HS3ST2: variants seen among roughly 807,000 people sequenced by gnomAD.
The protein encoded by HS3ST2 is heparan sulfate-glucosamine 3-sulfotransferase 2.
Under a neutral mutation model 26.3 loss-of-function variants are expected in HS3ST2, and 17 were observed. That is an observed-to-expected ratio of 0.65 (90% confidence interval 0.44 to 0.97). The LOEUF is 0.97. HS3ST2 is among the 50% of genes least tolerant of loss of function. The pLI is 0.00. For synonymous variants in HS3ST2, 237 were observed against 219.2 expected, an observed-to-expected ratio of 1.08 and a Z score of -0.72; for missense variants, 402 against 501.2, an observed-to-expected ratio of 0.80 and a Z score of 1.89.
intron 1 of HS3ST2, among the ~76,000 whole-genome samples, chr16:22,878,228 A>C (rs541996267): frequency 9.8e-5 from 15 of 152,348 alleles, no homozygotes; most frequent in African/African-American, 3.6e-4. Context: ...TCTTCATATC[A>C]GCTACCTGAG....
rs1902473368 is a variant in HS3ST2, at chr16:22,914,944, G to A, written c.486G>A (p.Arg162=). The part of the protein sequence containing the change: ...RNYGRGLDWY[R]SLMPRTLESQ... ...TGATGTATTCCTTCTGCCCACACAGGAGCCTGATGCCCAGGACCCTCGAGA... is the reference window on the plus strand; with the variant it reads ...TGATGTATTCCTTCTGCCCACACAGAAGCCTGATGCCCAGGACCCTCGAGA... Residue 162 remains arginine (R), a splice_region_variant and synonymous_variant, in exon 2 of 2, where the codon AGG becomes AGA. Transcript: ENST00000261374. 4 of 1,609,024 alleles carry A rather than the reference G, an allele frequency of 2.5e-6. No homozygotes were observed. The South Asian group carries it at 3.3e-5, about 13-fold the overall frequency.
chr16:22,888,618 C>T (rs1902094647), intron 1 of HS3ST2, among the ~76,000 whole-genome samples: 1 of 152,068 alleles, frequency 6.6e-6, no homozygotes. Context: ...ATCTCCTGAC[C>T]TTGTGATCCG....
chr16:22,864,708 T>C (rs186637513), intron 1 of HS3ST2, among the ~76,000 whole-genome samples: 1 of 152,054 alleles, frequency 6.6e-6, no homozygotes, highest in Non-Finnish European at 1.5e-5. Flanking sequence ...GACACTGTAA[T>C]TAACAAATAC....
intron 1 of HS3ST2, among the ~76,000 whole-genome samples, chr16:22,833,898 T>C (rs746359681): frequency 6.6e-6 from 1 of 151,432 alleles, no homozygotes; most frequent in Non-Finnish European, 1.5e-5. Flanking sequence ...TATACTCCTA[T>C]GGGAAGTTCT....
chr16:22,827,956 C>T (rs930679673), intron 1 of HS3ST2, among the ~76,000 whole-genome samples: 1 of 152,004 alleles, frequency 6.6e-6, no homozygotes, highest in African/African-American at 2.4e-5. Flanking sequence ...ATCCTCCTGC[C>T]TTGGCTTCCC....
At position 22,863,318 on chromosome 16, in the gene HS3ST2, C is replaced by T. The variant is rs1471212836; in HGVS notation, c.485+48223C>T. ...TCCCCCAGTCACTGCTGTTATTCCA[C>T]ACATGTGGGTGTCCTCTGATTCAAT... On this transcript the variant is annotated intron_variant, in intron 1 of 1. Transcript: ENST00000261374. Among the ~76,000 whole-genome samples the T allele has an allele frequency of 2.0e-5, 3 of 152,266 alleles. 1 individual carries two copies. In the East Asian group the frequency reaches 5.8e-4, roughly 29 times the overall value.
intron 1 of HS3ST2, among the ~76,000 whole-genome samples, chr16:22,819,773 C>CT (rs1478319915): frequency 1.3e-5 from 2 of 152,186 alleles, no homozygotes; most frequent in African/African-American, 4.8e-5. Context: ...AGGCAACAGT[C>CT]TAAGTACGAA....
chr16:22,862,234 T>C (rs1346412849), intron 1 of HS3ST2, among the ~76,000 whole-genome samples: 1 of 151,566 alleles, frequency 6.6e-6, no homozygotes, highest in African/African-American at 2.4e-5. Context: ...ACTGTGTGTG[T>C]GTGGGTGTGT....
intron 1 of HS3ST2, among the ~76,000 whole-genome samples, chr16:22,872,977 CAT>C (rs1330628770): frequency 6.6e-6 from 1 of 152,194 alleles, no homozygotes; most frequent in Non-Finnish European, 1.5e-5. Flanking sequence ...TCTCACCAGA[CAT>C]GTGACCATGA....
At chr16:22,903,458 C>A (rs2141205242) in intron 1 of HS3ST2, among the ~76,000 whole-genome samples, 1 of 152,278 alleles carries the variant, frequency 6.6e-6, no homozygotes. Context: ...TAGCAAGTGA[C>A]AAGACTCAGG....
At chr16:22,821,397 C>T (rs1366322955) in intron 1 of HS3ST2, among the ~76,000 whole-genome samples, 1 of 151,156 alleles carries the variant, frequency 6.6e-6, no homozygotes, top group Non-Finnish European at 1.5e-5. Context: ...TTTGGTTAGA[C>T]CTCTATGAAT....
chr16:22,878,079 G>A (rs1377584877), intron 1 of HS3ST2, among the ~76,000 whole-genome samples: 1 of 152,202 alleles, frequency 6.6e-6, no homozygotes, highest in African/African-American at 2.4e-5. Context: ...AGTCCAGGCT[G>A]TGCAAAGGAG....
At position 22,815,094 on chromosome 16, in the gene HS3ST2, A is replaced by T; in HGVS notation, c.484A>T (p.Arg162Trp). ...CTACGGCCGCGGGCTGGATTGGTAC[A>T]GGTAAGGACCAGGAGCTCCGCTCCG... is the stretch of plus-strand genomic sequence containing the variant. Reference protein sequence around the residue: ...RNYGRGLDWYRSLMPRTLESQ... With the variant: ...RNYGRGLDWYWSLMPRTLESQ... The change falls in exon 1 of 2, where the codon AGG (arginine) becomes TGG (tryptophan). Residue 162 changes from arginine to tryptophan, a missense_variant and splice_region_variant. Transcript: ENST00000261374. The T allele has an allele frequency of 6.2e-7, 1 of 1,612,930 alleles. No individual in the cohort carries two copies. Among genetic ancestry groups the T allele is most frequent in the Non-Finnish European group, 8.5e-7 (1 of 1,179,974 alleles).
intron 1 of HS3ST2, among the ~76,000 whole-genome samples, chr16:22,910,051 A>AAAAAG (rs1555515052): frequency 4.6e-5 from 7 of 151,564 alleles, no homozygotes; most frequent in African/African-American, 1.7e-4. Context: ...AAAAAAAAAA[A>AAAAAG]AAAGAAAGAA....
At chr16:22,819,670 G>C (rs1900959192) in intron 1 of HS3ST2, among the ~76,000 whole-genome samples, 1 of 152,192 alleles carries the variant, frequency 6.6e-6, no homozygotes, top group Admixed American at 6.5e-5. Context: ...ATAAATTTCA[G>C]ACTTCACTTC....
At chr16:22,876,501 G>T (rs755029435) in intron 1 of HS3ST2, among the ~76,000 whole-genome samples, 17 of 152,126 alleles carry the variant, frequency 1.1e-4, no homozygotes, top group Non-Finnish European at 2.1e-4. Flanking sequence ...CATAATAGAT[G>T]TTGGCATGGA....
At chr16:22,815,163 T>C (rs1900845251) in intron 1 of HS3ST2, 68 bp downstream of exon 1, 13 of 1,571,866 alleles carry the variant, frequency 8.3e-6, no homozygotes, top group South Asian at 8.2e-5. Context: ...GCCATCCGTC[T>C]CTTGTGTTTT....
At chr16:22,866,243 C>T (rs1363977173) in intron 1 of HS3ST2, among the ~76,000 whole-genome samples, 1 of 151,858 alleles carries the variant, frequency 6.6e-6, no homozygotes, top group African/African-American at 2.4e-5. Context: ...CCTATAAAAC[C>T]AAAGAAAACC....
chr16:22,837,114 A>C (rs1343745138), intron 1 of HS3ST2, among the ~76,000 whole-genome samples: 2 of 71,178 alleles, frequency 2.8e-5, no homozygotes, highest in Non-Finnish European at 5.5e-5. Flanking sequence ...CTGGATGCCT[A>C]TACAGTTTTT....
Sources: gnomAD v4.1 joint callset for allele counts (sites outside exome capture counted in the v4.1 genomes callset) on GRCh38, gnomAD v4.1.1 for gene constraint, MANE v1.5 for transcripts, NCBI Gene and HGNC (gene_info 2026-07-23, HGNC 2026-07-21) for gene names.